The following SLC35F5 variants were observed in gnomAD, a reference collection of about 807,000 sequenced individuals.
SLC35F5 encodes HCV NS5A-transactivated protein 3.
Under a neutral mutation model 68.6 loss-of-function variants are expected in SLC35F5, and 54 were observed. That is an observed-to-expected ratio of 0.79 (90% CI 0.63 to 0.99). The LOEUF is 0.99. Among genes scored for constraint, SLC35F5 ranks in the 50% least tolerant of loss-of-function variants. The pLI, the probability that SLC35F5 is intolerant of heterozygous loss-of-function variation, is 0.00. For missense variants in SLC35F5, 567 were observed against 626.9 expected (o/e 0.90, Z 1.02); for synonymous variants, 211 against 205.2 (o/e 1.03, Z -0.24).
intron 4 of SLC35F5, among the ~76,000 whole-genome samples, chr2:113,748,906 C>T (rs1166897122): frequency 1.3e-5 from 2 of 152,182 alleles, no homozygotes; most frequent in Non-Finnish European, 2.9e-5. Context: ...CAAGTCCATG[C>T]AACTCTCCTG....
At chr2:113,720,082 TA>T (rs1370588189) in intron 13 of SLC35F5, among the ~76,000 whole-genome samples, 1 of 150,270 alleles carries the variant, frequency 6.7e-6, no homozygotes, top group East Asian at 1.9e-4. Flanking sequence ...AATATATAAA[TA>T]AAAAGAAAAT....
In SLC35F5 at chr2:113,756,492, G is replaced by A; in HGVS notation, c.-83C>T. On this transcript the variant is annotated 5_prime_UTR_variant, in exon 1 of 16. Transcript: ENST00000245680. ...CAGAGCTGTCACCGCGCCTGACATCGCGCCGCACTGGAGGCCCAGCTCCTG... is the reference window on the plus strand; with the variant it reads ...CAGAGCTGTCACCGCGCCTGACATCACGCCGCACTGGAGGCCCAGCTCCTG... The A allele has an allele frequency of 6.6e-7, 1 of 1,521,928 alleles. No homozygotes were observed. The highest frequency in any genetic ancestry group is 8.8e-7 in the Non-Finnish European group (1 of 1,138,574). 94.3% of individuals were successfully genotyped at this position (1,521,928 alleles called of 1,614,324 possible).
At chr2:113,755,769 T>C in intron 1 of SLC35F5, 1 of 1,313,158 alleles carries the variant, frequency 7.6e-7, no homozygotes, top group Non-Finnish European at 1.1e-6. Flanking sequence ...GGAGGGGGAG[T>C]AATATACAAC....
chr2:113,705,277 G>A (rs1686774520), downstream of SLC35F5: 1 of 152,402 alleles, frequency 6.6e-6, no homozygotes. Flanking sequence ...CTGTGGGCCG[G>A]GCGCGGTGGC....
chr2:113,742,127 T>G (rs1559350861), intron 7 of SLC35F5: 1 of 152,336 alleles, frequency 6.6e-6, no homozygotes, highest in Non-Finnish European at 1.5e-5. Context: ...AACAATACTT[T>G]ATTTACTCCA....
At chr2:113,725,178 T>C (rs185254289) in intron 12 of SLC35F5, among the ~76,000 whole-genome samples, 200 bp downstream of exon 12, 3 of 152,322 alleles carry the variant, frequency 2.0e-5, no homozygotes, top group Admixed American at 2.0e-4. Flanking sequence ...GCTCCTTCTG[T>C]GGACAAGGTA....
At position 113,713,787 on chromosome 2, in the gene SLC35F5, T is replaced by G. The variant is rs576669811; in HGVS notation, c.*1431A>C. The G allele has an allele frequency of 9.9e-5, 15 of 151,382 alleles. No individual in the cohort carries two copies. Among genetic ancestry groups the G allele is most frequent in the African/African-American group, 3.6e-4 (15 of 41,418 alleles). 9.4% of individuals were successfully genotyped at this position (151,382 alleles called of 1,614,324 possible). On this transcript the variant is annotated 3_prime_UTR_variant, in exon 16 of 16. Transcript: ENST00000245680. ...AAAAAAAAAGAGAGCTGTTTGTATT[T>G]TAAATTTAATATCATAAACAATTTT...
At chr2:113,756,063 A>C in intron 1 of SLC35F5, 1 of 1,460,406 alleles carries the variant, frequency 6.8e-7, no homozygotes, top group East Asian at 2.5e-5. Flanking sequence ...CAAAACATCC[A>C]GTCATTTTAA....
intron 3 of SLC35F5, among the ~76,000 whole-genome samples, chr2:113,752,298 CA>C (rs200611559): frequency 6.0e-5 from 9 of 149,488 alleles, no homozygotes; most frequent in South Asian, 4.3e-4. Flanking sequence ...GGGAATAACT[CA>C]AAAAAAAATC....
At chr2:113,743,019 A>C in intron 6 of SLC35F5, 140 bp from the exon 7 acceptor site, 1 of 730,530 alleles carries the variant, frequency 1.4e-6, no homozygotes, top group Non-Finnish European at 2.2e-6. Context: ...GAGGTATATC[A>C]TTACCTGAGA....
rs1282616743 is a variant in SLC35F5 at position 113,735,811 on chromosome 2, T to C, written c.798A>G (p.Gln266=). 1.9e-6 allele frequency: 3 copies of C among 1,609,030 alleles called. No homozygotes were observed. The highest frequency in any genetic ancestry group is 2.2e-5 in the East Asian group (1 of 44,712). Residue 266 remains glutamine, a synonymous_variant, in exon 8 of 16, where the codon CAA becomes CAG. Transcript: ENST00000245680. ...LSYQEALSDT[Q]VAIVNILSST... ...AAGATAAAATATTAACTATAGCAAC[T>C]TGTGTGTCTGAAAGTGCTTCTTGAT...
In SLC35F5 at chr2:113,719,308, C is replaced by T. The variant is rs1330172075; in HGVS notation, c.1342G>A (p.Val448Met). The T allele has an allele frequency of 6.5e-7, 1 of 1,538,090 alleles. No individual in the cohort carries two copies. Among genetic ancestry groups the T allele is most frequent in the Non-Finnish European group, 8.6e-7 (1 of 1,157,420 alleles). ...SIIADMCMQK[V>M]QFSWLFFAGA... ...GCAAAAAATAACCAAGAAAACTGCACCTAAAAATAAAAGATAGAGGAAAAA... is the reference window on the plus strand; with the variant it reads ...GCAAAAAATAACCAAGAAAACTGCATCTAAAAATAAAAGATAGAGGAAAAA... The change falls in exon 14 of 16, where the codon GTG becomes ATG. Residue 448 changes from valine to methionine, a missense_variant and splice_region_variant. Coordinates refer to ENST00000245680, the MANE Select transcript of SLC35F5 (RefSeq NM_025181.5).
chr2:113,747,813 C>T lies in SLC35F5; in HGVS notation c.418-1474G>A, dbSNP rs528441202. On this transcript the variant is annotated intron_variant, in intron 4 of 15. Transcript: ENST00000245680. Reference sequence around the variant, plus strand: ...AGCTTTAAAAATGACATTATTTGGCCGGGCGCAGTGGCTCACGCCTGTAAT... The same window carrying T: ...AGCTTTAAAAATGACATTATTTGGCTGGGCGCAGTGGCTCACGCCTGTAAT... Among the ~76,000 whole-genome samples, 46 of 152,220 alleles carry T rather than the reference C, an allele frequency of 3.0e-4. No individual in the cohort carries two copies. The South Asian group carries it at 6.2e-3, about 21-fold the overall frequency.
At chr2:113,725,673 G>C in intron 11 of SLC35F5, 136 bp from the exon 12 acceptor site, 1 of 725,554 alleles carries the variant, frequency 1.4e-6, no homozygotes, top group Admixed American at 3.6e-5. Flanking sequence ...CTGTTGGTTT[G>C]TTTTTAAGTC....
chr2:113,745,306 G>A (rs1204357274), intron 5 of SLC35F5, among the ~76,000 whole-genome samples: 4 of 152,094 alleles, frequency 2.6e-5, no homozygotes, highest in Admixed American at 1.3e-4. Flanking sequence ...AACCTACTCT[G>A]CATGCCATCG....
At position 113,735,780 on chromosome 2, in the gene SLC35F5, AAGT is replaced by A. The variant is rs1396113197; in HGVS notation, c.826_828del (p.Thr276del). On this transcript the variant is annotated inframe_deletion, in exon 8 of 16. Transcript: ENST00000245680. ...TTTTTAAAGACAAATTTCTTACCGG[AAGT>A]TGAAGATAAAATATTAACTATAGCA... is the stretch of plus-strand genomic sequence containing the variant. The A allele has an allele frequency of 6.3e-7, 1 of 1,596,818 alleles. No homozygotes were observed. The highest frequency in any genetic ancestry group is 1.1e-5 in the South Asian group (1 of 88,170).
intron 6 of SLC35F5, 111 bp downstream of exon 6, chr2:113,743,602 A>G: frequency 1.4e-6 from 1 of 720,400 alleles, no homozygotes; most frequent in Non-Finnish European, 2.3e-6. Context: ...GGCTGAGTCA[A>G]GACCACATGG....
In SLC35F5 at chr2:113,719,368, C is replaced by T. The variant is rs534368651; in HGVS notation, c.1342-60G>A. On this transcript the variant is annotated intron_variant, in intron 13 of 15. Coordinates refer to ENST00000245680, the MANE Select transcript of SLC35F5 (RefSeq NM_025181.5). ...CAATTATCATTAAGGCAATTTTCCC[C>T]TTCAATGTAAGTTTTCTATTTGTGA... 11 of 1,449,594 alleles carry T rather than the reference C, an allele frequency of 7.6e-6. No homozygotes were observed. In the East Asian group the frequency reaches 2.1e-4, roughly 28 times the overall value. 89.8% of individuals were successfully genotyped at this position (1,449,594 alleles called of 1,614,324 possible). A position where few individuals can be genotyped will look rare whatever the true frequency, so the allele number is the denominator to read the frequency against.
In SLC35F5 at chr2:113,714,903, G is replaced by T. The variant is rs537547234; in HGVS notation, c.*315C>A. The T allele has an allele frequency of 3.6e-3, 554 of 152,622 alleles. No homozygotes were observed. The highest frequency in any genetic ancestry group is 6.7e-3 in the Non-Finnish European group (456 of 67,968). 9.5% of individuals were successfully genotyped at this position (152,622 alleles called of 1,614,324 possible). ...TGAAAATAAAGTCCCAGAACATTAG[G>T]ATTTATTCCTTGATTAGTTCAAATG... On this transcript the variant is annotated 3_prime_UTR_variant, in exon 16 of 16. Transcript: ENST00000245680.
Sources: gnomAD v4.1 joint callset for allele counts (sites outside exome capture counted in the v4.1 genomes callset) on GRCh38, gnomAD v4.1.1 for gene constraint, MANE v1.5 for transcripts, NCBI Gene and HGNC (gene_info 2026-07-23, HGNC 2026-07-21) for gene names.